Variants in PLXNA4 observed in about 807,000 individuals in gnomAD.
PLXNA4 encodes the protein plexin A4.
PLXNA4 carries 44 observed loss-of-function variants against 191.8 expected under a neutral mutation model. That is an observed-to-expected ratio of 0.23 (90% CI 0.18 to 0.29). The LOEUF (loss-of-function observed/expected upper bound fraction) is 0.29. PLXNA4 is among the 10% of genes least tolerant of loss of function. The pLI is 1.00. For synonymous variants in PLXNA4, 1,082 were observed against 1,009.5 expected (o/e 1.07, Z -1.36); for missense variants, 1,800 against 2,488.8 (o/e 0.72, Z 5.89).
intron 2 of PLXNA4, among the ~76,000 whole-genome samples, chr7:132,629,567 G>C (rs1316015183): frequency 2.6e-5 from 4 of 152,154 alleles, no homozygotes; most frequent in African/African-American, 7.2e-5. Flanking sequence ...TGAGGATTGG[G>C]AACCATGAAT....
intron 2 of PLXNA4, among the ~76,000 whole-genome samples, chr7:132,501,704 C>T (rs1185143285): frequency 6.6e-6 from 1 of 152,194 alleles, no homozygotes; most frequent in African/African-American, 2.4e-5. Flanking sequence ...ATACCTGAGA[C>T]AGGTGCCATC....
At chr7:132,340,195 G>A (rs1360848696) in intron 3 of PLXNA4, among the ~76,000 whole-genome samples, 3 of 152,226 alleles carry the variant, frequency 2.0e-5, no homozygotes, top group Admixed American at 6.5e-5. Flanking sequence ...TAGTGCCCTG[G>A]TTGGAATTAA....
chr7:132,555,074 C>A (rs6959721), intron 1 of PLXNA4, among the ~76,000 whole-genome samples: 26 of 146,336 alleles, frequency 1.8e-4, no homozygotes, highest in Non-Finnish European at 2.2e-4. Flanking sequence ...AAAACAGTAA[C>A]CATCACCATG....
chr7:132,311,419 A>T (rs552183129), intron 3 of PLXNA4, among the ~76,000 whole-genome samples: 17 of 152,130 alleles, frequency 1.1e-4, no homozygotes, highest in Non-Finnish European at 1.9e-4. Flanking sequence ...CCCACTCCCT[A>T]GGAGCTTCTT....
chr7:132,298,271 C>T, intron 3 of PLXNA4, 49 bp from the exon 4 acceptor site: 1 of 1,567,814 alleles, frequency 6.4e-7, no homozygotes, highest in South Asian at 1.2e-5. Flanking sequence ...CCTGCACTGC[C>T]CACAGCCAAA....
intron 2 of PLXNA4, among the ~76,000 whole-genome samples, chr7:132,614,255 AT>A (rs1349751066): frequency 5.9e-5 from 9 of 152,220 alleles, no homozygotes; most frequent in Non-Finnish European, 1.2e-4. Context: ...TTATTGAGGT[AT>A]TTTACACTCT....
Position 132,283,500 on chromosome 7 carries a change from G to A in PLXNA4, c.1503+14591C>T, listed in dbSNP as rs781377020. ...TTAGTCTCAAAGGCAACAGCTGCCC[G>A]GACTTCAAGGGGTAACCCTGAGAAT... On this transcript the variant is annotated intron_variant, in intron 4 of 31. Coordinates refer to ENST00000321063, the MANE Select transcript of PLXNA4 (RefSeq NM_020911.2). 6.6e-5 allele frequency among the ~76,000 whole-genome samples: 10 copies of A among 152,180 alleles called. 1 individual carries two copies. Among genetic ancestry groups the A allele is most frequent in the Admixed American group, 2.0e-4 (3 of 15,282 alleles).
chr7:132,585,827 C>A (rs1159076058), intron 2 of PLXNA4, among the ~76,000 whole-genome samples: 2 of 152,174 alleles, frequency 1.3e-5, no homozygotes, highest in African/African-American at 2.4e-5. Flanking sequence ...GGGGGCTCTA[C>A]CCTCATGACC....
At chr7:132,407,483 C>T (rs528511627) in intron 3 of PLXNA4, among the ~76,000 whole-genome samples, 36 of 152,308 alleles carry the variant, frequency 2.4e-4, no homozygotes, top group Admixed American at 8.5e-4. Context: ...TGCACACAAA[C>T]ATGCACATAC....
chr7:132,264,659 T>G (rs977145714), intron 4 of PLXNA4, among the ~76,000 whole-genome samples: 1 of 151,270 alleles, frequency 6.6e-6, no homozygotes, highest in African/African-American at 2.4e-5. Flanking sequence ...CATTTGGCTC[T>G]GGGAAATACT....
intron 3 of PLXNA4, among the ~76,000 whole-genome samples, chr7:132,344,386 A>G (rs1190729550): frequency 6.6e-6 from 1 of 152,214 alleles, no homozygotes; most frequent in Admixed American, 6.5e-5. Flanking sequence ...ACAAAAAAAC[A>G]GAAAAACTTT....
chr7:132,154,851 G>A (rs1041707020), intron 25 of PLXNA4, among the ~76,000 whole-genome samples: 32 of 152,200 alleles, frequency 2.1e-4, no homozygotes, highest in Non-Finnish European at 2.4e-4. Context: ...CAGGCACCAA[G>A]CACAAAGGAC....
chr7:132,611,774 A>T (rs1220598019), intron 2 of PLXNA4, among the ~76,000 whole-genome samples: 1 of 152,242 alleles, frequency 6.6e-6, no homozygotes, highest in Admixed American at 6.5e-5. Context: ...CTGGACCTTC[A>T]GCCTTCTCTG....
rs372101041 is a variant in PLXNA4 at position 132,128,764 on chromosome 7, G to C, written c.*1715C>G. 6.6e-6 allele frequency: 1 copy of C among 152,354 alleles called. No individual in the cohort carries two copies. Among genetic ancestry groups the C allele is most frequent in the South Asian group, 2.1e-4 (1 of 4,828 alleles). 9.4% of individuals were successfully genotyped at this position (152,354 alleles called of 1,614,324 possible). A position where few individuals can be genotyped will look rare whatever the true frequency, so the allele number is the denominator to read the frequency against. On this transcript the variant is annotated 3_prime_UTR_variant, in exon 32 of 32. Transcript: ENST00000321063. ...GGGGCTCATTCTGAGTGGGTGACAAGGAATGATGTCTGATGTTTGGGGAGT... is the reference window on the plus strand; with the variant it reads ...GGGGCTCATTCTGAGTGGGTGACAACGAATGATGTCTGATGTTTGGGGAGT...
intron 3 of PLXNA4, among the ~76,000 whole-genome samples, chr7:132,334,149 TA>T (rs2116710030): frequency 6.6e-6 from 1 of 151,952 alleles, no homozygotes; most frequent in Non-Finnish European, 1.5e-5. Context: ...GAGGGGGAAA[TA>T]GTCATATTTT....
chr7:132,475,772 C>T (rs372144041), intron 3 of PLXNA4, among the ~76,000 whole-genome samples: 5 of 152,092 alleles, frequency 3.3e-5, no homozygotes, highest in Non-Finnish European at 7.3e-5. Flanking sequence ...AAAAAGCAAC[C>T]GGGAGACTGA....
chr7:132,304,335 G>A (rs1486441343), intron 3 of PLXNA4, among the ~76,000 whole-genome samples: 1 of 152,172 alleles, frequency 6.6e-6, no homozygotes, highest in Non-Finnish European at 1.5e-5. Context: ...TTCCAGAACA[G>A]CACTGGACAA....
At chr7:132,376,450 C>A (rs1278724199) in intron 3 of PLXNA4, among the ~76,000 whole-genome samples, 1 of 152,206 alleles carries the variant, frequency 6.6e-6, no homozygotes, top group African/African-American at 2.4e-5. Flanking sequence ...TCTCCAAATA[C>A]CTTCCTTTAA....
intron 3 of PLXNA4, among the ~76,000 whole-genome samples, chr7:132,324,564 G>A (rs946165762): frequency 1.8e-4 from 27 of 152,140 alleles, no homozygotes; most frequent in African/African-American, 4.8e-4. Context: ...CTTGTTTCTC[G>A]TTAAAATGTA....
Sources: allele counts gnomAD v4.1 joint callset (sites outside exome capture counted in the v4.1 genomes callset), GRCh38; gene constraint gnomAD v4.1.1; transcripts MANE v1.5; gene names NCBI Gene and HGNC (gene_info 2026-07-23, HGNC 2026-07-21).